PPP1R2: variants seen among roughly 807,000 people sequenced by gnomAD.
PPP1R2 encodes the protein protein phosphatase inhibitor 2.
PPP1R2 carries 16 observed loss-of-function variants against 29.9 expected under a neutral mutation model. The ratio of observed to expected loss-of-function variants is 0.53; its 90% confidence interval spans 0.36 to 0.81. PPP1R2 has a LOEUF of 0.81. Ranked by LOEUF, PPP1R2 falls within the 30% of genes least tolerant of loss-of-function variation. The pLI, the probability that PPP1R2 is intolerant of heterozygous loss-of-function variation, is 0.00. For synonymous variants in PPP1R2, 76 were observed against 91.5 expected, an observed-to-expected ratio of 0.83 and a Z score of 0.96; for missense variants, 197 against 252.7, an observed-to-expected ratio of 0.78 and a Z score of 1.49.
At chr3:195,534,356 C>T (rs891785111) in intron 1 of PPP1R2, among the ~76,000 whole-genome samples, 12 of 152,168 alleles carry the variant, frequency 7.9e-5, no homozygotes. Flanking sequence ...GGAGAAAGGA[C>T]ATCTGATCTG....
Position 195,543,087 on chromosome 3 carries a change from G to C in PPP1R2, c.-62C>G. ...TTGGCGTGGGGTCCGCGAAGAGAAG[G>C]GTCGGCACAGCAGAGACTCGCAGGC... On this transcript the variant is annotated 5_prime_UTR_variant, in exon 1 of 6. Transcript: ENST00000618156. 1 of 1,550,920 alleles carries C rather than the reference G, an allele frequency of 6.4e-7. No individual in the cohort carries two copies. The highest frequency in any genetic ancestry group is 1.4e-5 in the African/African-American group (1 of 72,992).
rs1236859708 is a variant in PPP1R2, at chr3:195,515,151, C to T, written c.*1745G>A. The T allele has an allele frequency of 1.2e-5, 2 of 170,590 alleles. No homozygotes were observed. Among genetic ancestry groups the T allele is most frequent in the Non-Finnish European group, 2.8e-5 (2 of 71,282 alleles). 10.6% of individuals were successfully genotyped at this position (170,590 alleles called of 1,614,324 possible). The stretch of plus-strand genomic sequence containing the variant: ...CCCAAGACAGATTTAAACAGGTAAT[C>T]CCAACATTTTAAATTCAGAAACCAG... On this transcript the variant is annotated 3_prime_UTR_variant, in exon 6 of 6. Coordinates refer to ENST00000618156, the MANE Select transcript of PPP1R2 (RefSeq NM_006241.8).
chr3:195,521,629 C>G (rs1384868506), intron 4 of PPP1R2, among the ~76,000 whole-genome samples: 2 of 151,960 alleles, frequency 1.3e-5, no homozygotes, highest in Non-Finnish European at 2.9e-5. Context: ...GTTTTTGAAA[C>G]TGTGCATCAT....
intron 3 of PPP1R2, among the ~76,000 whole-genome samples, chr3:195,524,429 G>C (rs2686441): frequency 0.35 from 52,587 of 152,112 alleles, 9,491 homozygotes; most frequent in Non-Finnish European, 0.39. Flanking sequence ...GGAGGCTGAG[G>C]CACGAGAATT....
At chr3:195,519,382 T>A (rs914679426) in intron 4 of PPP1R2, 197 bp from the exon 5 acceptor site, 1 of 464,174 alleles carries the variant, frequency 2.2e-6, no homozygotes, top group Non-Finnish European at 3.7e-6. Flanking sequence ...ATATTTACTA[T>A]CTGGCATTCA....
At chr3:195,532,215 C>CT (rs146508182) in intron 1 of PPP1R2, among the ~76,000 whole-genome samples, 40,270 of 120,214 alleles carry the variant, frequency 0.33, 7,307 homozygotes, top group Non-Finnish European at 0.36. Context: ...TTTTCTTTTT[C>CT]TTTTTTTTTT....
chr3:195,515,031 TG>T lies in PPP1R2; in HGVS notation c.*1864del. 3.7e-6 allele frequency: 1 copy of T among 269,060 alleles called. No individual in the cohort carries two copies. Among genetic ancestry groups the T allele is most frequent in the Admixed American group, 4.9e-5 (1 of 20,474 alleles). 16.7% of individuals were successfully genotyped at this position (269,060 alleles called of 1,614,324 possible). ...TCTACAAAAAAAAAAAAAGAGTATG[TG>T]GGTACTTTCTAAGAACTCAGAAACA... On this transcript the variant is annotated 3_prime_UTR_variant, in exon 6 of 6. Coordinates refer to ENST00000618156, the MANE Select transcript of PPP1R2 (RefSeq NM_006241.8).
Position 195,514,584 on chromosome 3 carries a change from G to A in PPP1R2, c.*2312C>T, listed in dbSNP as rs1272954055. On this transcript the variant is annotated 3_prime_UTR_variant, in exon 6 of 6. Coordinates refer to ENST00000618156, the MANE Select transcript of PPP1R2 (RefSeq NM_006241.8). The stretch of plus-strand genomic sequence containing the variant: ...ATTTACACCATTATGTCAAATTTTA[G>A]TCATCTCTGCAGAATTTTAGACAAA... 6 of 152,154 alleles carry A rather than the reference G, an allele frequency of 3.9e-5. No homozygotes were observed. Among genetic ancestry groups the A allele is most frequent in the African/African-American group, 1.4e-4 (6 of 41,436 alleles). 9.4% of individuals were successfully genotyped at this position (152,154 alleles called of 1,614,324 possible). A position where few individuals can be genotyped will look rare whatever the true frequency, so the allele number is the denominator to read the frequency against.
rs879399123 is a variant in PPP1R2 at position 195,537,784 on chromosome 3, GA to G, written c.122+5119del. On this transcript the variant is annotated intron_variant, in intron 1 of 5. Coordinates refer to ENST00000618156, the MANE Select transcript of PPP1R2 (RefSeq NM_006241.8). ...TTGTTTTCTCAACAGAACACTAACA[GA>G]AAAAAAAATTAGTACAATTATTCAG... Among the ~76,000 whole-genome samples the G allele has an allele frequency of 1.6e-3, 235 of 150,052 alleles. 3 individuals are homozygous for G. Among genetic ancestry groups the G allele is most frequent in the Non-Finnish European group, 2.5e-3 (169 of 67,432 alleles).
intron 1 of PPP1R2, 46 bp downstream of exon 1, chr3:195,542,858 C>A: frequency 6.4e-7 from 1 of 1,563,898 alleles, no homozygotes; most frequent in Non-Finnish European, 8.7e-7. Flanking sequence ...AGGTAACGGG[C>A]CCGGCGGGAA....
rs181267430 is a variant in PPP1R2 at position 195,537,264 on chromosome 3, A to G, written c.122+5640T>C. Among the ~76,000 whole-genome samples, 57 of 152,282 alleles carry G rather than the reference A, an allele frequency of 3.7e-4. 1 individual carries two copies. The highest frequency in any genetic ancestry group is 1.2e-3 in the South Asian group (6 of 4,828). ...AGATTCATTTAGATTGATAACCTAA[A>G]TAAGTTTTCCTATTTAAAATAAGGC... On this transcript the variant is annotated intron_variant, in intron 1 of 5. Transcript: ENST00000618156.
chr3:195,521,427 G>A (rs891538679), intron 4 of PPP1R2, among the ~76,000 whole-genome samples: 1 of 150,078 alleles, frequency 6.7e-6, no homozygotes, highest in Non-Finnish European at 1.5e-5. Flanking sequence ...TTTTAAAATC[G>A]TTACAAGTTG....
intron 5 of PPP1R2, among the ~76,000 whole-genome samples, chr3:195,517,329 G>A (rs1718582433): frequency 6.6e-6 from 1 of 152,086 alleles, no homozygotes; most frequent in Admixed American, 6.6e-5. Context: ...AATGGGGGAG[G>A]AAAGGGGGAA....
chr3:195,532,215 C>CTTTTTCTTTTTT (rs748903224), intron 1 of PPP1R2, among the ~76,000 whole-genome samples: 1 of 120,178 alleles, frequency 8.3e-6, no homozygotes, highest in African/African-American at 3.2e-5. Context: ...TTTTCTTTTT[C>CTTTTTCTTTTTT]TTTTTTTTTT....
chr3:195,533,661 T>C (rs376304721), intron 1 of PPP1R2, among the ~76,000 whole-genome samples: 19 of 152,126 alleles, frequency 1.2e-4, no homozygotes, highest in Admixed American at 7.2e-4. Context: ...ATAAAGACCA[T>C]TGTAAAAATA....
chr3:195,529,601 T>C (rs1172892207), intron 2 of PPP1R2, 193 bp downstream of exon 2: 3 of 458,230 alleles, frequency 6.5e-6, no homozygotes, highest in Non-Finnish European at 1.2e-5. Context: ...ATGTACAAAA[T>C]GGCTTTCTTA....
Position 195,522,389 on chromosome 3 carries a change from C to T in PPP1R2, c.403+1303G>A, listed in dbSNP as rs887015283. Among the ~76,000 whole-genome samples the T allele has an allele frequency of 2.0e-5, 3 of 152,218 alleles. No individual in the cohort carries two copies. In the East Asian group the frequency reaches 5.8e-4, roughly 29 times the overall value. On this transcript the variant is annotated intron_variant, in intron 4 of 5. Transcript: ENST00000618156. ...TAACATCTATATAATTCAGTAATAA[C>T]CCCACCAGTGGAAAATGAATTAATG... is the stretch of plus-strand genomic sequence containing the variant.
Position 195,516,660 on chromosome 3 carries a change from T to C in PPP1R2, c.*236A>G. ...GTGTTTTTACAAAAGTAATGCAGTT[T>C]TGGACTGATGATATTACACTGTATT... On this transcript the variant is annotated 3_prime_UTR_variant, in exon 6 of 6. Coordinates refer to ENST00000618156, the MANE Select transcript of PPP1R2 (RefSeq NM_006241.8). 1 of 444,258 alleles carries C rather than the reference T, an allele frequency of 2.3e-6. No homozygotes were observed. Among genetic ancestry groups the C allele is most frequent in the Non-Finnish European group, 4.0e-6 (1 of 247,874 alleles). The allele number at this position is 444,258 out of a possible 1,614,324, so 27.5% of individuals were successfully genotyped here. A position where few individuals can be genotyped will look rare whatever the true frequency, so the allele number is the denominator to read the frequency against.
At chr3:195,524,738 G>A in intron 3 of PPP1R2, 81 bp downstream of exon 3, 1 of 1,323,866 alleles carries the variant, frequency 7.6e-7, no homozygotes, top group Non-Finnish European at 1.1e-6. Context: ...GCTCATACAG[G>A]GACAGCCACG....
Sources: gnomAD v4.1 joint callset for allele counts (sites outside exome capture counted in the v4.1 genomes callset) on GRCh38, gnomAD v4.1.1 for gene constraint, MANE v1.5 for transcripts, NCBI Gene and HGNC (gene_info 2026-07-23, HGNC 2026-07-21) for gene names.